Variants in CFAP70 observed in about 807,000 individuals in gnomAD.
CFAP70 encodes the protein cilia and flagella associated protein 70.
Under a neutral mutation model 137.6 loss-of-function variants are expected in CFAP70, and 81 were observed. The observed-to-expected ratio is 0.59, with a 90% confidence interval of 0.49 to 0.71. The LOEUF is 0.71. CFAP70 is among the 30% of genes least tolerant of loss of function. The pLI, the probability that CFAP70 is intolerant of heterozygous loss-of-function variation, is 0.00. For missense variants in CFAP70, 976 were observed against 1,226.7 expected (o/e 0.80, Z 3.05); for synonymous variants, 382 against 423.6 (o/e 0.90, Z 1.20).
chr10:73,324,533 A>C (rs2051202149), intron 8 of CFAP70, among the ~76,000 whole-genome samples: 1 of 152,076 alleles, frequency 6.6e-6, no homozygotes, highest in Non-Finnish European at 1.5e-5. Context: ...CGATCAAACT[A>C]CTCCGAGCTA....
intron 8 of CFAP70, among the ~76,000 whole-genome samples, chr10:73,326,979 T>A (rs2132258729): frequency 6.6e-6 from 1 of 151,652 alleles, no homozygotes; most frequent in East Asian, 1.9e-4. Context: ...CCTCCCTAAC[T>A]CATTTTATGA....
At chr10:73,299,634 G>A in exon 13 of CFAP70, 1 of 1,613,226 alleles carries the variant, frequency 6.2e-7, no homozygotes, top group Non-Finnish European at 8.5e-7. Flanking sequence ...CGACGGGTAA[G>A]AGGAGGCCTT....
chr10:73,346,849 G>C (rs2053757434), intron 4 of CFAP70: 1 of 152,174 alleles, frequency 6.6e-6, no homozygotes, highest in South Asian at 2.1e-4. Flanking sequence ...GCTGGGGGTT[G>C]ACATTTATAG....
chr10:73,310,092 C>T, intron 12 of CFAP70, 66 bp downstream of exon 13: 2 of 978,868 alleles, frequency 2.0e-6, no homozygotes, highest in South Asian at 1.6e-5. Flanking sequence ...ATCGTGGGGA[C>T]AATCTGACTT....
chr10:73,296,591 A>G (rs903121285), intron 15 of CFAP70: 1 of 153,266 alleles, frequency 6.5e-6, no homozygotes, highest in Admixed American at 6.5e-5. Context: ...TGGGTGGGAC[A>G]GCAGACCACC....
intron 3 of CFAP70, among the ~76,000 whole-genome samples, chr10:73,352,347 G>A (rs1179118854): frequency 2.0e-5 from 3 of 152,186 alleles, no homozygotes; most frequent in African/African-American, 7.2e-5. Context: ...ATTGAGGGTG[G>A]GGGTTTTTTT....
chr10:73,284,278 T>C (rs1415568099), intron 19 of CFAP70, among the ~76,000 whole-genome samples: 1 of 151,804 alleles, frequency 6.6e-6, no homozygotes, highest in East Asian at 1.9e-4. Context: ...GATTCCGTTA[T>C]CACATTGTCT....
intron 1 of CFAP70, 56 bp from the exon 2 acceptor site, chr10:73,354,891 C>A: frequency 2.0e-6 from 2 of 991,936 alleles, no homozygotes; most frequent in Non-Finnish European, 3.1e-6. Context: ...CACAAGTACC[C>A]ATATTCCATC....
chr10:73,287,592 TCATACTTTTCTTAG>T (rs1419707991), intron 19 of CFAP70, among the ~76,000 whole-genome samples: 2 of 152,202 alleles, frequency 1.3e-5, no homozygotes, highest in African/African-American at 4.8e-5. Flanking sequence ...TGTTTATTAC[TCATACTTTTCTTAG>T]GAAGCTTCTG....
At chr10:73,353,842 T>C in intron 2 of CFAP70, 100 bp from the exon 3 acceptor site, 2 of 1,105,930 alleles carry the variant, frequency 1.8e-6, no homozygotes, top group East Asian at 5.0e-5. Flanking sequence ...GCATTTTTCA[T>C]TTTTTCCTAA....
At chr10:73,269,699 T>A in exon 25 of CFAP70, 1 of 1,612,574 alleles carries the variant, frequency 6.2e-7, no homozygotes, top group Non-Finnish European at 8.5e-7. Flanking sequence ...ATCCTCAGCC[T>A]CTGTGAGCTC....
intron 19 of CFAP70, among the ~76,000 whole-genome samples, chr10:73,284,801 T>A (rs1408063520): frequency 3.5e-5 from 3 of 85,862 alleles, no homozygotes; most frequent in African/African-American, 8.5e-5. Flanking sequence ...TATATATATA[T>A]ATAAAAGTTG....
intron 19 of CFAP70, among the ~76,000 whole-genome samples, chr10:73,286,693 G>C (rs993429161): frequency 5.3e-5 from 8 of 152,286 alleles, no homozygotes; most frequent in Admixed American, 3.9e-4. Context: ...AGGAATTAAA[G>C]ACACACACAC....
At chr10:73,304,307 GC>G (rs1280492872) in intron 12 of CFAP70, among the ~76,000 whole-genome samples, 1 of 152,158 alleles carries the variant, frequency 6.6e-6, no homozygotes, top group Admixed American at 6.5e-5. Flanking sequence ...ACCTGCCTCG[GC>G]CTCTCAAAGG....
chr10:73,350,128 C>G lies in CFAP70; in HGVS notation c.251-1607G>C, dbSNP rs192572030. Among the ~76,000 whole-genome samples, 40 of 152,320 alleles carry G rather than the reference C, an allele frequency of 2.6e-4. No homozygotes were observed. The East Asian group carries it at 6.2e-3, about 23-fold the overall frequency. ...TTTCTTTTCATTTAGAACAGTCCCCCCTTTCCACATACTTCTCTCAAACAC... is the reference window on the plus strand; with the variant it reads ...TTTCTTTTCATTTAGAACAGTCCCCGCTTTCCACATACTTCTCTCAAACAC... On this transcript the variant is annotated intron_variant, in intron 3 of 26. Transcript: ENST00000310715.
chr10:73,352,062 C>A (rs188470984), intron 3 of CFAP70, among the ~76,000 whole-genome samples: 35 of 152,308 alleles, frequency 2.3e-4, no homozygotes, highest in African/African-American at 7.7e-4. Context: ...ACTCATTACC[C>A]TTGGGTGATG....
chr10:73,281,285 C>G (rs951651162), intron 19 of CFAP70, among the ~76,000 whole-genome samples: 2 of 151,698 alleles, frequency 1.3e-5, no homozygotes, highest in Non-Finnish European at 2.9e-5. Context: ...CCCAGGCTCA[C>G]GTGATCCTCC....
intron 19 of CFAP70, among the ~76,000 whole-genome samples, chr10:73,283,371 T>C (rs949653751): frequency 6.6e-6 from 1 of 152,192 alleles, no homozygotes; most frequent in Non-Finnish European, 1.5e-5. Context: ...CTGTTCAATT[T>C]TTCTATATTC....
rs150280829 is a variant in CFAP70, at chr10:73,322,899, A to ATG, written c.912+62_912+63dup. The ATG allele has an allele frequency of 3.4e-4, 475 of 1,415,298 alleles. 3 individuals are homozygous for ATG. The African/African-American group carries it at 6.0e-3, about 18-fold the overall frequency. The allele number at this position is 1,415,298 out of a possible 1,614,324, so 87.7% of individuals were successfully genotyped here. The stretch of plus-strand genomic sequence containing the variant: ...AGTTGCAAAGATGTATATGCTAAAG[A>ATG]TGTAAGTAAACAGATATATAAAGGA... On this transcript the variant is annotated intron_variant, in intron 9 of 26. Transcript: ENST00000310715.
Sources: allele counts gnomAD v4.1 joint callset (sites outside exome capture counted in the v4.1 genomes callset), GRCh38; gene constraint gnomAD v4.1.1; transcripts MANE v1.5; gene names NCBI Gene and HGNC (gene_info 2026-07-23, HGNC 2026-07-21).